ETV3L: variants seen among roughly 807,000 people sequenced by gnomAD.
The protein encoded by ETV3L is ETS translocation variant 3-like protein.
In ETV3L, 30 loss-of-function variants were observed where a neutral mutation model predicts 27.6. The observed-to-expected ratio is 1.09, with a 90% CI of 0.81 to 1.48. The LOEUF (loss-of-function observed/expected upper bound fraction) is 1.48. Among genes scored for constraint, ETV3L ranks in the 40% most tolerant of loss-of-function variants. The probability of loss-of-function intolerance (pLI) is 0.00; values close to 1 mark genes in which losing one functional copy is unlikely to be tolerated. For missense variants in ETV3L, 443 were observed against 455.6 expected (o/e 0.97, Z 0.25); for synonymous variants, 186 against 188.9 (o/e 0.98, Z 0.12).
At chr1:157,094,320 G>A (rs989374587) in intron 4 of ETV3L, among the ~76,000 whole-genome samples, 2 of 152,296 alleles carry the variant, frequency 1.3e-5, no homozygotes. Flanking sequence ...GGTATGGGGA[G>A]CCCCAGCCTC....
chr1:157,098,715 C>A lies in ETV3L; in HGVS notation c.477G>T (p.Val159=). The change falls in exon 3 of 5, where the codon GTG becomes GTT. Residue 159 remains valine, a synonymous_variant. Coordinates refer to ENST00000454449, the MANE Select transcript of ETV3L (RefSeq NM_001004341.2). ...CCACCTCCGCTCTTACCTCACTCTG[C>A]ACACCCACGGGCACCAGCGCTGGCC... ...LCRPALVPVG[V]QSELLHSMLF... is the part of the protein sequence containing the mutation. The A allele has an allele frequency of 1.9e-6, 3 of 1,600,476 alleles. No homozygotes were observed. The highest frequency in any genetic ancestry group is 2.6e-6 in the Non-Finnish European group (3 of 1,173,544).
chr1:157,092,571 G>C lies in ETV3L; in HGVS notation c.*78C>G. 2 of 1,272,084 alleles carry C rather than the reference G, an allele frequency of 1.6e-6. No homozygotes were observed. The highest frequency in any genetic ancestry group is 2.9e-5 in the South Asian group (2 of 68,966). 78.8% of individuals were successfully genotyped at this position (1,272,084 alleles called of 1,614,324 possible). ...CAGCCCATGTCCAGCCAGGGGAAGG[G>C]GCTAACCCAGAGGCGGTGGGCAAGA... is the stretch of plus-strand genomic sequence containing the variant. On this transcript the variant is annotated 3_prime_UTR_variant, in exon 5 of 5. Coordinates refer to ENST00000454449, the MANE Select transcript of ETV3L (RefSeq NM_001004341.2).
In ETV3L at chr1:157,092,884, G is replaced by A. The variant is rs761893945; in HGVS notation, c.851C>T (p.Pro284Leu). 6 of 1,614,016 alleles carry A rather than the reference G, an allele frequency of 3.7e-6. No homozygotes were observed. Among genetic ancestry groups the A allele is most frequent in the Non-Finnish European group, 4.2e-6 (5 of 1,179,924 alleles). ...PRSLPGAWHF[P>L]GLPLLAGLGQ... ...CAGCCCTGCCAAGAGAGGAAGCCCT[G>A]GAAAATGCCAGGCCCCTGGGAGGCT... Residue 284 changes from proline (P) to leucine (L), a missense_variant, in exon 5 of 5, where the codon CCA (proline) becomes CTA (leucine). Physicochemically the swap from Pro to Leu is moderately conservative, Grantham distance 98. Coordinates refer to ENST00000454449, the MANE Select transcript of ETV3L (RefSeq NM_001004341.2).
chr1:157,093,005 A>G lies in ETV3L; in HGVS notation c.730T>C (p.Trp244Arg), dbSNP rs1313529591. ...PPLPPPLPSN[W>R]TCLSGPFLPP... Reference sequence around the variant, plus strand: ...AAGAAGGGCCCCGAGAGACAGGTCCAGTTGGAGGGCAGAGGGGGCGGGAGG... The same window carrying G: ...AAGAAGGGCCCCGAGAGACAGGTCCGGTTGGAGGGCAGAGGGGGCGGGAGG... Residue 244 changes from tryptophan (W) to arginine (R), a missense_variant, in exon 5 of 5, where the codon TGG becomes CGG. Trp to Arg is a moderately radical substitution (Grantham distance 101). Transcript: ENST00000454449. The G allele has an allele frequency of 8.1e-6, 13 of 1,611,008 alleles. No individual in the cohort carries two copies. Among genetic ancestry groups the G allele is most frequent in the Middle Eastern group, 1.7e-4 (1 of 5,836 alleles).
chr1:157,099,805 G>C lies in ETV3L; in HGVS notation c.-282C>G, dbSNP rs112315179. 4 of 564,080 alleles carry C rather than the reference G, an allele frequency of 7.1e-6. No individual in the cohort carries two copies. Among genetic ancestry groups the C allele is most frequent in the South Asian group, 4.6e-5 (2 of 43,386 alleles). 34.9% of individuals were successfully genotyped at this position (564,080 alleles called of 1,614,324 possible). ...CCTCCCCGCTGCCCAGGGCTGACTC[G>C]GACTCAGGGCTTCCGGCTGAGCTAC... is the stretch of plus-strand genomic sequence containing the variant. On this transcript the variant is annotated 5_prime_UTR_variant, in exon 1 of 5. Transcript: ENST00000454449.
chr1:157,093,856 C>A (rs74116967), intron 4 of ETV3L, among the ~76,000 whole-genome samples: 10,314 of 152,266 alleles, frequency 0.068, 465 homozygotes, highest in East Asian at 0.25. Flanking sequence ...TTCTGAGACT[C>A]CTAGCCTAGG....
At chr1:157,093,674 G>T (rs1198264064) in intron 4 of ETV3L, among the ~76,000 whole-genome samples, 1 of 151,834 alleles carries the variant, frequency 6.6e-6, no homozygotes, top group African/African-American at 2.4e-5. Context: ...GTATTTTTTT[G>T]TAGAGACAGG....
At chr1:157,095,620 G>A (rs1264259055) in intron 4 of ETV3L, among the ~76,000 whole-genome samples, 1 of 142,742 alleles carries the variant, frequency 7.0e-6, no homozygotes, top group Non-Finnish European at 1.5e-5. Context: ...GTTTCCTAAA[G>A]AGAGAAGCTC....
rs764035372 is a variant in ETV3L, at chr1:157,098,886, G to T, written c.306C>A (p.Tyr102Ter). The T allele has an allele frequency of 1.9e-6, 3 of 1,611,818 alleles. No individual in the cohort carries two copies. Among genetic ancestry groups the T allele is most frequent in the Non-Finnish European group, 2.5e-6 (3 of 1,179,048 alleles). Residue 102 changes from tyrosine (Y) to a stop codon, truncating the protein, a stop_gained, in exon 3 of 5, where the codon TAC (tyrosine) becomes TAA (stop). Transcript: ENST00000454449. LOFTEE classifies it high-confidence loss of function. ...DKLSRALRYYYNKRILHKTKG... is the reference protein window; with the variant it reads ...DKLSRALRYY ...TGGTCTTATGCAGGATCCTCTTATT[G>T]TAGTAATATCTGGAGAATTCGAAGT...
At position 157,098,697 on chromosome 1, in the gene ETV3L, C is replaced by G. The variant is rs183986526; in HGVS notation, c.486+9G>C. 6.4e-7 allele frequency: 1 copy of G among 1,573,602 alleles called. No individual in the cohort carries two copies. Among genetic ancestry groups the G allele is most frequent in the African/African-American group, 1.4e-5 (1 of 73,602 alleles). ...GGAGCCCTGAGACAGGGGCCACCTCCGCTCTTACCTCACTCTGCACACCCA... is the reference window on the plus strand; with the variant it reads ...GGAGCCCTGAGACAGGGGCCACCTCGGCTCTTACCTCACTCTGCACACCCA... On this transcript the variant is annotated intron_variant, in intron 3 of 4. Coordinates refer to ENST00000454449, the MANE Select transcript of ETV3L (RefSeq NM_001004341.2).
In ETV3L at chr1:157,099,693, A is replaced by C; in HGVS notation, c.-170T>G. 1.5e-6 allele frequency: 1 copy of C among 657,562 alleles called. No homozygotes were observed. Among genetic ancestry groups the C allele is most frequent in the Non-Finnish European group, 2.6e-6 (1 of 383,286 alleles). 40.7% of individuals were successfully genotyped at this position (657,562 alleles called of 1,614,324 possible). A position where few individuals can be genotyped will look rare whatever the true frequency, so the allele number is the denominator to read the frequency against. On this transcript the variant is annotated 5_prime_UTR_variant, in exon 1 of 5. Transcript: ENST00000454449. ...GAAAGAAAGAGAGAAAAGGGAAGGG[A>C]CAAGAGGTTGCCAGTGAAGGGGAGA...
Position 157,092,568 on chromosome 1 carries a change from A to G in ETV3L, c.*81T>C. On this transcript the variant is annotated 3_prime_UTR_variant, in exon 5 of 5. Transcript: ENST00000454449. ...TTTCAGCCCATGTCCAGCCAGGGGAAGGGGCTAACCCAGAGGCGGTGGGCA... is the reference window on the plus strand; with the variant it reads ...TTTCAGCCCATGTCCAGCCAGGGGAGGGGGCTAACCCAGAGGCGGTGGGCA... The G allele has an allele frequency of 8.2e-7, 1 of 1,219,100 alleles. No individual in the cohort carries two copies. Among genetic ancestry groups the G allele is most frequent in the Non-Finnish European group, 1.2e-6 (1 of 868,424 alleles). The allele number at this position is 1,219,100 out of a possible 1,614,324, so 75.5% of individuals were successfully genotyped here.
chr1:157,098,640 G>A, intron 3 of ETV3L, 66 bp downstream of exon 3: 1 of 1,427,842 alleles, frequency 7.0e-7, no homozygotes, highest in South Asian at 1.4e-5. Flanking sequence ...AGGAGGGTGG[G>A]GAGCCTCCTG....
intron 4 of ETV3L, 112 bp downstream of exon 4, chr1:157,097,756 T>G: frequency 7.7e-5 from 101 of 1,304,258 alleles, no homozygotes; most frequent in Non-Finnish European, 9.2e-5. Flanking sequence ...AATGAATGAA[T>G]GAGTTACATA....
At position 157,098,751 on chromosome 1, in the gene ETV3L, A is replaced by T. The variant is rs909153669; in HGVS notation, c.441T>A (p.Pro147=). ...GCACCAGCGCTGGCCGACACAGGGC[A>T]GGGGCCCCCAGCAGCAAGTGGGGGG... The part of the protein sequence containing the change: ...PPSPHLLLGA[P]ALCRPALVPV... The change falls in exon 3 of 5, where the codon CCT becomes CCA. Residue 147 remains proline (P), a synonymous_variant. Transcript: ENST00000454449. 4 of 1,613,008 alleles carry T rather than the reference A, an allele frequency of 2.5e-6. No homozygotes were observed. The highest frequency in any genetic ancestry group is 3.4e-6 in the Non-Finnish European group (4 of 1,179,566).
chr1:157,097,983 C>CAGG lies in ETV3L; in HGVS notation c.489_491dup (p.Leu164dup), dbSNP rs2103184042. On this transcript the variant is annotated inframe_insertion, in exon 4 of 5. Transcript: ENST00000454449. Reference sequence around the variant, plus strand: ...CCTGATGGGCAAATAGCATGCTGTGCAGGAGCTGAGGGGTGAGAAGTAGGT... The same window carrying CAGG: ...CCTGATGGGCAAATAGCATGCTGTGCAGGAGGAGCTGAGGGGTGAGAAGTAGGT... 4 of 1,606,518 alleles carry CAGG rather than the reference C, an allele frequency of 2.5e-6. No homozygotes were observed. In the East Asian group the frequency reaches 8.9e-5, roughly 36 times the overall value.
At chr1:157,095,811 C>G (rs1376702787) in intron 4 of ETV3L, among the ~76,000 whole-genome samples, 1 of 152,188 alleles carries the variant, frequency 6.6e-6, no homozygotes, top group African/African-American at 2.4e-5. Flanking sequence ...CTTGGGCCCC[C>G]AGCAGCTCAG....
intron 4 of ETV3L, among the ~76,000 whole-genome samples, 161 bp from the exon 5 acceptor site, chr1:157,093,288 C>T (rs1005119217): frequency 1.3e-5 from 2 of 151,972 alleles, no homozygotes; most frequent in East Asian, 1.9e-4. Context: ...GAGAGAGTCT[C>T]TCTCTGTCAC....
At position 157,099,565 on chromosome 1, in the gene ETV3L, A is replaced by C; in HGVS notation, c.-42T>G. 6.4e-7 allele frequency: 1 copy of C among 1,561,562 alleles called. No homozygotes were observed. Among genetic ancestry groups the C allele is most frequent in the Non-Finnish European group, 8.7e-7 (1 of 1,146,066 alleles). On this transcript the variant is annotated 5_prime_UTR_variant, in exon 1 of 5. The change creates a new upstream start codon in the 5' untranslated region. Coordinates refer to ENST00000454449, the MANE Select transcript of ETV3L (RefSeq NM_001004341.2). ...ATGGGCTGTGTCTGGGCCTTGGGGA[A>C]ATGGTCACCACTTAAGAGGAAGGGA...
Sources: gnomAD v4.1 joint callset for allele counts (sites outside exome capture counted in the v4.1 genomes callset) on GRCh38, gnomAD v4.1.1 for gene constraint, MANE v1.5 for transcripts, NCBI Gene and HGNC (gene_info 2026-07-23, HGNC 2026-07-21) for gene names.